The following SNX18 variants were observed in gnomAD, a reference collection of about 807,000 sequenced individuals.
SNX18 encodes sorting nexin 18.
In SNX18, 35 loss-of-function variants were observed where a neutral mutation model predicts 48.7. That is an observed-to-expected ratio of 0.72 (90% CI 0.55 to 0.95). The LOEUF is 0.95. SNX18 is among the 40% of genes least tolerant of loss of function. SNX18 has a pLI of 0.00. For missense variants in SNX18, 824 were observed against 871.0 expected (o/e 0.95, Z 0.68); for synonymous variants, 492 against 384.7 (o/e 1.28, Z -3.26).
chr5:54,517,954 TGGCGCTGCGCGCCCG>T lies in SNX18; in HGVS notation c.10_24del (p.ArgAlaArgAlaLeu4_?8), dbSNP rs761460278. 6.6e-7 allele frequency: 1 copy of T among 1,511,640 alleles called. No homozygotes were observed. Among genetic ancestry groups the T allele is most frequent in the Non-Finnish European group, 8.8e-7 (1 of 1,133,126 alleles). 93.6% of individuals were successfully genotyped at this position (1,511,640 alleles called of 1,614,324 possible). On this transcript the variant is annotated start_lost and inframe_deletion, in exon 1 of 2. Transcript: ENST00000381410. ...ACCGCCAGTCGGGGCGCCGGGACCATGGCGCTGCGCGCCCGGGCGCTGTACGACTTCAGGTCGGAG... is the reference window on the plus strand; with the variant it reads ...ACCGCCAGTCGGGGCGCCGGGACCATGGCGCTGTACGACTTCAGGTCGGAG...
the SNX18 span, among the ~76,000 whole-genome samples, chr5:54,591,411 G>A: frequency 6.6e-6 from 1 of 152,046 alleles, no homozygotes; most frequent in African/African-American, 2.4e-5. Context: ...GGCTGGTCTC[G>A]AACTCCTTGG....
the SNX18 span, among the ~76,000 whole-genome samples, chr5:54,570,137 TAAG>T: frequency 6.6e-6 from 1 of 152,134 alleles, no homozygotes; most frequent in Non-Finnish European, 1.5e-5. Context: ...GGTGTCCTTA[TAAG>T]AAGAGGGAAA....
chr5:54,538,227 C>T (rs1412998906), intron 1 of SNX18, among the ~76,000 whole-genome samples: 2 of 152,220 alleles, frequency 1.3e-5, no homozygotes, highest in Non-Finnish European at 2.9e-5. Context: ...ATTTCACTCA[C>T]ATCTAGCCAA....
the SNX18 span, among the ~76,000 whole-genome samples, chr5:54,558,772 A>G: frequency 6.6e-6 from 1 of 152,206 alleles, no homozygotes; most frequent in African/African-American, 2.4e-5. Context: ...TTTGGGGACT[A>G]CAGGTTGTTC....
chr5:54,618,757 T>C, the SNX18 span, among the ~76,000 whole-genome samples: 1 of 152,072 alleles, frequency 6.6e-6, no homozygotes, highest in African/African-American at 2.4e-5. Context: ...AACATCTCCA[T>C]ATGGAAGCTT....
the SNX18 span, among the ~76,000 whole-genome samples, chr5:54,637,575 A>G: frequency 6.6e-6 from 1 of 152,194 alleles, no homozygotes; most frequent in East Asian, 1.9e-4. Flanking sequence ...GATAATAAAA[A>G]TAGTACATAC....
chr5:54,592,882 C>A, the SNX18 span, among the ~76,000 whole-genome samples: 1,676 of 152,316 alleles, frequency 0.011, 15 homozygotes, highest in Middle Eastern at 0.031. Flanking sequence ...CTCACTGCAA[C>A]CTCCACCTCC....
intron 1 of SNX18, among the ~76,000 whole-genome samples, chr5:54,540,314 CAGAT>C (rs1447722864): frequency 1.3e-5 from 2 of 151,916 alleles, no homozygotes; most frequent in African/African-American, 4.8e-5. Context: ...CTCCTGGACT[CAGAT>C]GATCCTCCCT....
rs1435072729 is a variant in SNX18 at position 54,545,024 on chromosome 5, T to A, written c.*1592T>A. Reference sequence around the variant, plus strand: ...AGATACTCAGAAAAGGTTATTGAAATAATTACTGAACAGCACATTTTCTCT... The same window carrying A: ...AGATACTCAGAAAAGGTTATTGAAAAAATTACTGAACAGCACATTTTCTCT... On this transcript the variant is annotated 3_prime_UTR_variant, in exon 2 of 2. Transcript: ENST00000381410. 2.1e-4 allele frequency: 32 copies of A among 152,186 alleles called. No homozygotes were observed. The highest frequency in any genetic ancestry group is 3.7e-4 in the Non-Finnish European group (25 of 68,010). 9.4% of individuals were successfully genotyped at this position (152,186 alleles called of 1,614,324 possible). A position where few individuals can be genotyped will look rare whatever the true frequency, so the allele number is the denominator to read the frequency against.
Position 54,517,863 on chromosome 5 carries a change from C to T in SNX18, c.-90C>T, listed in dbSNP as rs891980928. ...GCCGCCTTCGGGGCTCCAGTCCGCG[C>T]GCCAGGGCTCGAGCAGTACCGCGGG... On this transcript the variant is annotated 5_prime_UTR_variant, in exon 1 of 2. Transcript: ENST00000381410. 33 of 1,313,640 alleles carry T rather than the reference C, an allele frequency of 2.5e-5. No homozygotes were observed. The highest frequency in any genetic ancestry group is 3.1e-5 in the African/African-American group (2 of 64,152). 81.4% of individuals were successfully genotyped at this position (1,313,640 alleles called of 1,614,324 possible).
the SNX18 span, among the ~76,000 whole-genome samples, chr5:54,598,773 A>G: frequency 2.6e-5 from 4 of 152,322 alleles, no homozygotes; most frequent in Admixed American, 2.6e-4. Flanking sequence ...CACAGCCAAT[A>G]GCATACTGAA....
chr5:54,609,751 G>A, the SNX18 span, among the ~76,000 whole-genome samples: 1,385 of 152,236 alleles, frequency 9.1e-3, 11 homozygotes, highest in African/African-American at 0.03. Flanking sequence ...TTGCCATGCC[G>A]TGGTGATATA....
At chr5:54,572,742 G>GTATATA in the SNX18 span, among the ~76,000 whole-genome samples, 4 of 41,666 alleles carry the variant, frequency 9.6e-5, no homozygotes, top group African/African-American at 3.5e-4. Context: ...GTGTGTGTGT[G>GTATATA]TGTGTGTGTG....
the SNX18 span, among the ~76,000 whole-genome samples, chr5:54,576,042 C>T: frequency 6.6e-6 from 1 of 152,162 alleles, no homozygotes; most frequent in Non-Finnish European, 1.5e-5. Context: ...ATATGCTTTG[C>T]TCCTATTAAT....
chr5:54,549,132 C>G (rs1762616062), downstream of SNX18, among the ~76,000 whole-genome samples: 1 of 152,096 alleles, frequency 6.6e-6, no homozygotes, highest in Non-Finnish European at 1.5e-5. Context: ...TACTGAGGGC[C>G]AACTATAGAA....
chr5:54,618,760 G>A, the SNX18 span, among the ~76,000 whole-genome samples: 2 of 151,944 alleles, frequency 1.3e-5, no homozygotes, highest in African/African-American at 4.8e-5. Context: ...ATCTCCATAT[G>A]GAAGCTTTTA....
Position 54,543,250 on chromosome 5 carries a change from G to A in SNX18, c.1693G>A (p.Gly565Ser), listed in dbSNP as rs150515811. Residue 565 changes from glycine to serine, a missense_variant, in exon 2 of 2, where the codon GGC (glycine) becomes AGC (serine). Around this residue, in one of 3 missense-constraint regions of SNX18, gnomAD observed 443 missense variants for 503.6 expected, o/e 0.88. Coordinates refer to ENST00000381410, the MANE Select transcript of SNX18 (RefSeq NM_001102575.2). ...GAAGATGGAGGTGCAGAAGGCTGAC[G>A]GCATTCAGGATCGCTGTAACACTAT... ...EGKMEVQKAD[G>S]IQDRCNTISF... The A allele has an allele frequency of 1.1e-5, 17 of 1,614,088 alleles. No individual in the cohort carries two copies. The highest frequency in any genetic ancestry group is 8.9e-5 in the East Asian group (4 of 44,874).
rs779839751 is a variant in SNX18 at position 54,543,262 on chromosome 5, C to A, written c.1705C>A (p.Arg569Ser). The change falls in exon 2 of 2, where the codon CGC (arginine) becomes AGC (serine). Residue 569 changes from arginine (R) to serine (S), a missense_variant. Arg to Ser is a moderately radical substitution (Grantham distance 110, BLOSUM62 -1). This residue lies in a region of SNX18 where 443 missense variants were observed against 503.6 expected (regional missense o/e 0.88). Coordinates refer to ENST00000381410, the MANE Select transcript of SNX18 (RefSeq NM_001102575.2). ...GCAGAAGGCTGACGGCATTCAGGATCGCTGTAACACTATTTCTTTTGCCAC... is the reference window on the plus strand; with the variant it reads ...GCAGAAGGCTGACGGCATTCAGGATAGCTGTAACACTATTTCTTTTGCCAC... The part of the protein sequence containing the change: ...EVQKADGIQD[R>S]CNTISFATLA... 1 of 1,614,134 alleles carries A rather than the reference C, an allele frequency of 6.2e-7. No individual in the cohort carries two copies. Among genetic ancestry groups the A allele is most frequent in the Non-Finnish European group, 8.5e-7 (1 of 1,180,030 alleles).
the SNX18 span, among the ~76,000 whole-genome samples, chr5:54,566,540 G>C: frequency 1.5e-4 from 23 of 152,312 alleles, no homozygotes; most frequent in African/African-American, 5.5e-4. Flanking sequence ...CCCTAACAAA[G>C]AGACCTCATG....
Sources: allele counts gnomAD v4.1 joint callset (sites outside exome capture counted in the v4.1 genomes callset), GRCh38; gene constraint gnomAD v4.1.1; regional missense constraint gnomAD v4.1.1; transcripts MANE v1.5; gene names NCBI Gene and HGNC (gene_info 2026-07-23, HGNC 2026-07-21).